The following CCDC92B variants were observed in gnomAD, a reference collection of about 807,000 sequenced individuals.
The protein encoded by CCDC92B is coiled-coil domain containing 92B, also known as coiled-coil domain-containing 92B.
CCDC92B carries 2 observed loss-of-function variants against 5.6 expected under a neutral mutation model. The observed-to-expected ratio is 0.36, with a 90% CI of 0.15 to 1.12. The LOEUF is 1.12. Ranked by LOEUF, CCDC92B falls within the 50% of genes most tolerant of loss-of-function variation. The pLI is 0.40. For missense variants in CCDC92B, 271 were observed against 262.2 expected (o/e 1.03, Z -0.23); for synonymous variants, 115 against 122.3 (o/e 0.94, Z 0.39).
intron 1 of CCDC92B, among the ~76,000 whole-genome samples, chr17:2,735,800 C>G (rs1171300417): frequency 1.4e-4 from 21 of 152,276 alleles, no homozygotes; most frequent in Non-Finnish European, 1.5e-5. Context: ...AGTAGAGAGA[C>G]AGAGAACCTG....
At position 2,722,607 on chromosome 17, in the gene CCDC92B, G is replaced by A. The variant is rs1406291722; in HGVS notation, c.*1804C>T. ...TCCAACAAATGGAGAGAAAGGGGGT[G>A]TGATCTGGGACTCCCCCTTCTTCAT... is the stretch of plus-strand genomic sequence containing the variant. On this transcript the variant is annotated 3_prime_UTR_variant, in exon 4 of 4. Transcript: ENST00000614400. 2 of 152,304 alleles carry A rather than the reference G, an allele frequency of 1.3e-5. No homozygotes were observed. Among genetic ancestry groups the A allele is most frequent in the Non-Finnish European group, 2.9e-5 (2 of 68,100 alleles). 9.4% of individuals were successfully genotyped at this position (152,304 alleles called of 1,614,324 possible). A position where few individuals can be genotyped will look rare whatever the true frequency, so the allele number is the denominator to read the frequency against.
rs1346867163 is a variant in CCDC92B at position 2,724,607 on chromosome 17, C to T, written c.572G>A (p.Trp191Ter). 1 of 981,840 alleles carries T rather than the reference C, an allele frequency of 1.0e-6. No individual in the cohort carries two copies. The highest frequency in any genetic ancestry group is 1.2e-6 in the Non-Finnish European group (1 of 828,340). The allele number at this position is 981,840 out of a possible 1,614,324, so 60.8% of individuals were successfully genotyped here. A position where few individuals can be genotyped will look rare whatever the true frequency, so the allele number is the denominator to read the frequency against. Residue 191 changes from tryptophan (W) to a stop codon, truncating the protein, a stop_gained, in exon 4 of 4, where the codon TGG becomes TAG. Coordinates refer to ENST00000614400, the MANE Select transcript of CCDC92B (RefSeq NM_001355573.2). LOFTEE classifies it low-confidence loss of function (END_TRUNC). This position sits in a 1 kb window ranked among gnomAD's most constrained non-coding sequence, Gnocchi z 5.0. ...GCCGGCCCCGCGGTCCCAGGCGGCC[C>T]AGTCCCGGCCGGGGCCCTTGGCGGC... ...EAAAKGPGRD[W>*]AAWDRGAGAL...
intron 1 of CCDC92B, among the ~76,000 whole-genome samples, chr17:2,736,883 A>AAAAAAAAT (rs141255403): frequency 6.9e-6 from 1 of 145,896 alleles, no homozygotes; most frequent in African/African-American, 2.6e-5. Context: ...TCTGTCTCAA[A>AAAAAAAAT]AAATAAATAA....
rs1451485098 is a variant in CCDC92B at position 2,735,065 on chromosome 17, C to G, written c.81G>C (p.Leu27=). The change falls in exon 2 of 4, where the codon CTG becomes CTC. Residue 27 remains leucine (L), a synonymous_variant. Coordinates refer to ENST00000614400, the MANE Select transcript of CCDC92B (RefSeq NM_001355573.2). ...ISFLKKEQMA[L]LRDLHLEILR... ...GGATCTCCAGGTGCAGGTCTCGCAG[C>G]AGGGCCATCTGCTCCTTTTTCAGGA... 1 of 985,480 alleles carries G rather than the reference C, an allele frequency of 1.0e-6. No individual in the cohort carries two copies. Among genetic ancestry groups the G allele is most frequent in the Non-Finnish European group, 1.2e-6 (1 of 830,042 alleles). 61.0% of individuals were successfully genotyped at this position (985,480 alleles called of 1,614,324 possible).
At chr17:2,742,673 T>TA (rs1428895008) in intron 1 of CCDC92B, among the ~76,000 whole-genome samples, 3 of 152,164 alleles carry the variant, frequency 2.0e-5, no homozygotes, top group Non-Finnish European at 4.4e-5. Flanking sequence ...TGGCTGTAAA[T>TA]ACTATTTATA....
Position 2,746,545 on chromosome 17 carries a change from G to C in CCDC92B, c.-24+2866C>G, listed in dbSNP as rs191670244. The stretch of plus-strand genomic sequence containing the variant: ...GACCCTGGCACAGTTGGGACTCTCT[G>C]AGGTCCGGGCTCCTGATCCCTGAAA... On this transcript the variant is annotated intron_variant, in intron 1 of 3. Coordinates refer to ENST00000614400, the MANE Select transcript of CCDC92B (RefSeq NM_001355573.2). 3.3e-5 allele frequency among the ~76,000 whole-genome samples: 5 copies of C among 152,218 alleles called. No individual in the cohort carries two copies. The East Asian group carries it at 9.7e-4, about 29-fold the overall frequency.
At chr17:2,743,214 A>G (rs1177703179) in intron 1 of CCDC92B, among the ~76,000 whole-genome samples, 1 of 152,154 alleles carries the variant, frequency 6.6e-6, no homozygotes, top group Non-Finnish European at 1.5e-5. Flanking sequence ...AGGATCACCC[A>G]AGGTCAGGAG....
intron 1 of CCDC92B, among the ~76,000 whole-genome samples, chr17:2,739,811 G>A (rs1299285780): frequency 1.3e-5 from 2 of 152,064 alleles, no homozygotes; most frequent in Non-Finnish European, 2.9e-5. Flanking sequence ...TCCATTTAAT[G>A]TCTGAGTAGG....
At chr17:2,736,472 C>T (rs778424840) in intron 1 of CCDC92B, among the ~76,000 whole-genome samples, 1 of 151,580 alleles carries the variant, frequency 6.6e-6, no homozygotes, top group Non-Finnish European at 1.5e-5. Context: ...ATAGGCCAGC[C>T]GTGGTGGCTC....
chr17:2,730,221 A>C (rs1386984979), intron 3 of CCDC92B, among the ~76,000 whole-genome samples: 1 of 152,032 alleles, frequency 6.6e-6, no homozygotes, highest in Admixed American at 6.6e-5. Context: ...TCACTGCACA[A>C]GGTCACCCAA....
At chr17:2,735,195 C>T (rs768209800) in intron 1 of CCDC92B, 27 bp from the exon 2 acceptor site, 1 of 985,634 alleles carries the variant, frequency 1.0e-6, no homozygotes, top group Non-Finnish European at 1.2e-6. Context: ...GGTGAACCCA[C>T]CTCTTCTGAG....
chr17:2,734,156 C>T (rs1054776987), intron 2 of CCDC92B, among the ~76,000 whole-genome samples: 4 of 152,224 alleles, frequency 2.6e-5, no homozygotes, highest in African/African-American at 2.4e-5. Flanking sequence ...CGACCTTTGC[C>T]GTGCTGTTCC....
At chr17:2,725,688 A>C (rs930583803) in intron 3 of CCDC92B, among the ~76,000 whole-genome samples, 1 of 152,018 alleles carries the variant, frequency 6.6e-6, no homozygotes, top group Non-Finnish European at 1.5e-5. Context: ...GCATAGTGGG[A>C]GAGACATAGT....
In CCDC92B at chr17:2,724,288, C is replaced by T. The variant is rs1193514758; in HGVS notation, c.*123G>A. 3 of 984,890 alleles carry T rather than the reference C, an allele frequency of 3.0e-6. No homozygotes were observed. In the African/African-American group the frequency reaches 5.3e-5, roughly 17 times the overall value. The allele number at this position is 984,890 out of a possible 1,614,324, so 61.0% of individuals were successfully genotyped here. A position where few individuals can be genotyped will look rare whatever the true frequency, so the allele number is the denominator to read the frequency against. ...GGGGATTTGGGGGGAGCCGGGGCCGCCTCGCCCCGCTTCCTGGAGGAGGGG... is the reference window on the plus strand; with the variant it reads ...GGGGATTTGGGGGGAGCCGGGGCCGTCTCGCCCCGCTTCCTGGAGGAGGGG... On this transcript the variant is annotated 3_prime_UTR_variant, in exon 4 of 4. Transcript: ENST00000614400. The surrounding 1 kb of genome is among the most constrained non-coding windows in gnomAD (Gnocchi z 5.0).
At chr17:2,735,801 A>G (rs78150095) in intron 1 of CCDC92B, among the ~76,000 whole-genome samples, 1 of 152,258 alleles carries the variant, frequency 6.6e-6, no homozygotes, top group African/African-American at 2.4e-5. Flanking sequence ...GTAGAGAGAC[A>G]GAGAACCTGG....
At chr17:2,739,211 CA>C (rs1166077736) in intron 1 of CCDC92B, among the ~76,000 whole-genome samples, 2 of 146,772 alleles carry the variant, frequency 1.4e-5, no homozygotes, top group East Asian at 4.1e-4. Flanking sequence ...ACTAAAAATA[CA>C]AAAAATTAGC....
chr17:2,724,670 G>A lies in CCDC92B; in HGVS notation c.509C>T (p.Ala170Val), dbSNP rs2070702902. 1 of 981,860 alleles carries A rather than the reference G, an allele frequency of 1.0e-6. No individual in the cohort carries two copies. Among genetic ancestry groups the A allele is most frequent in the Non-Finnish European group, 1.2e-6 (1 of 828,248 alleles). The allele number at this position is 981,860 out of a possible 1,614,324, so 60.8% of individuals were successfully genotyped here. A position where few individuals can be genotyped will look rare whatever the true frequency, so the allele number is the denominator to read the frequency against. ...ATAEPRPRRR[A>V]LRARRPPAAH... ...AGCAGGCGGGCGGCGGGCTCGCAGT[G>A]CGCGGCGGCGTGGCCTGGGCTCGGC... The change falls in exon 4 of 4, where the codon GCA (alanine) becomes GTA (valine). Residue 170 changes from alanine (A) to valine (V), a missense_variant. Physicochemically the swap from Ala to Val is moderately conservative, Grantham distance 64. Transcript: ENST00000614400. The surrounding 1 kb of genome is among the most constrained non-coding windows in gnomAD (Gnocchi z 5.0).
At chr17:2,748,226 C>T (rs1464506486) in intron 1 of CCDC92B, 1 of 669,186 alleles carries the variant, frequency 1.5e-6, no homozygotes, top group Admixed American at 2.0e-5. Flanking sequence ...AGGCCATCCC[C>T]TCACTTACTA....
intron 1 of CCDC92B, among the ~76,000 whole-genome samples, chr17:2,747,597 C>T (rs1032425559): frequency 2.6e-5 from 4 of 152,212 alleles, no homozygotes; most frequent in South Asian, 2.1e-4. Context: ...CATGATGGCA[C>T]GCACCTGTAG....
Sources: allele counts gnomAD v4.1 joint callset (sites outside exome capture counted in the v4.1 genomes callset), GRCh38; gene constraint gnomAD v4.1.1; non-coding constraint Gnocchi (gnomAD v3.1); transcripts MANE v1.5; gene names NCBI Gene and HGNC (gene_info 2026-07-23, HGNC 2026-07-21).